The following SEPTIN7 variants were observed in gnomAD, a reference collection of about 807,000 sequenced individuals.
SEPTIN7 encodes the protein septin-7.
In SEPTIN7, 10 loss-of-function variants were observed where a neutral mutation model predicts 63.3. The ratio of observed to expected loss-of-function variants is 0.16; its 90% CI spans 0.10 to 0.27. SEPTIN7 has a LOEUF of 0.27. Among genes scored for constraint, SEPTIN7 ranks in the 10% least tolerant of loss-of-function variants. The pLI is 1.00. For missense variants in SEPTIN7, 310 were observed against 521.0 expected, an observed-to-expected ratio of 0.59 and a Z score of 3.94; for synonymous variants, 131 against 165.3, an observed-to-expected ratio of 0.79 and a Z score of 1.59.
At chr7:35,836,496 A>G (rs994932497) in intron 3 of SEPTIN7, among the ~76,000 whole-genome samples, 8 of 152,208 alleles carry the variant, frequency 5.3e-5, no homozygotes, top group Admixed American at 1.3e-4. Flanking sequence ...TGATATGTCA[A>G]TAATGTATTT....
At chr7:35,910,268 T>A (rs1363043481), downstream of SEPTIN7, among the ~76,000 whole-genome samples, 1 of 152,228 alleles carries the variant, frequency 6.6e-6, no homozygotes, top group Non-Finnish European at 1.5e-5. Flanking sequence ...GCGGGCGTAC[T>A]AAATAAAGGT....
chr7:35,879,808 T>C lies in SEPTIN7; in HGVS notation c.513-15T>C, dbSNP rs755063145. Reference sequence around the variant, plus strand: ...AACTGATCAATTCAGTCAAATTAAATACTGTGTATTTCAGACTTAAACCAT... The same window carrying C: ...AACTGATCAATTCAGTCAAATTAAACACTGTGTATTTCAGACTTAAACCAT... On this transcript the variant is annotated splice_polypyrimidine_tract_variant and intron_variant, in intron 6 of 13. Coordinates refer to ENST00000350320, the MANE Select transcript of SEPTIN7 (RefSeq NM_001788.6). 3.9e-5 allele frequency: 53 copies of C among 1,363,908 alleles called. No individual in the cohort carries two copies. Among genetic ancestry groups the C allele is most frequent in the Non-Finnish European group, 4.9e-5 (48 of 970,806 alleles). The allele number at this position is 1,363,908 out of a possible 1,614,324, so 84.5% of individuals were successfully genotyped here.
intron 1 of SEPTIN7, among the ~76,000 whole-genome samples, chr7:35,812,497 G>C (rs1788795558): frequency 6.6e-6 from 1 of 152,106 alleles, no homozygotes; most frequent in African/African-American, 2.4e-5. Context: ...GTTAGTACTG[G>C]CCAGGGTTAA....
intron 7 of SEPTIN7, among the ~76,000 whole-genome samples, chr7:35,880,223 C>CTTTTTTTTTTTTT: frequency 2.6e-3 from 187 of 72,772 alleles, no homozygotes; most frequent in African/African-American, 3.5e-3. Context: ...TTTTTCTTTT[C>CTTTTTTTTTTTTT]TTTTTTTTTT....
chr7:35,894,834 A>T (rs968963186), intron 11 of SEPTIN7, among the ~76,000 whole-genome samples: 5 of 152,148 alleles, frequency 3.3e-5, no homozygotes, highest in Non-Finnish European at 7.4e-5. Context: ...TATACTCCAA[A>T]TGTGGGTCAT....
intron 3 of SEPTIN7, among the ~76,000 whole-genome samples, chr7:35,858,175 G>A (rs1785304275): frequency 6.6e-6 from 1 of 151,996 alleles, no homozygotes; most frequent in Admixed American, 6.6e-5. Context: ...GAACTCCTGA[G>A]CTGAAGTGAT....
intron 3 of SEPTIN7, among the ~76,000 whole-genome samples, chr7:35,837,674 ATC>A (rs752602617): frequency 6.6e-6 from 1 of 152,208 alleles, no homozygotes; most frequent in Non-Finnish European, 1.5e-5. Flanking sequence ...TTGGATATTA[ATC>A]TGATTCCTAA....
At chr7:35,890,097 T>C (rs891491316) in intron 10 of SEPTIN7, among the ~76,000 whole-genome samples, 4 of 152,214 alleles carry the variant, frequency 2.6e-5, no homozygotes, top group Admixed American at 1.3e-4. Context: ...TGTAGACTTA[T>C]ATATATTGAT....
intron 10 of SEPTIN7, among the ~76,000 whole-genome samples, chr7:35,887,277 T>G (rs1202709406): frequency 6.6e-6 from 1 of 152,242 alleles, no homozygotes; most frequent in Non-Finnish European, 1.5e-5. Context: ...CTTTTTCTTG[T>G]GTATTTTAAA....
intron 11 of SEPTIN7, among the ~76,000 whole-genome samples, chr7:35,892,569 A>G (rs1787712938): frequency 2.0e-5 from 3 of 152,124 alleles, no homozygotes; most frequent in Non-Finnish European, 4.4e-5. Context: ...TTTTTAAAAC[A>G]TTTGTTAAGT....
At chr7:35,872,556 A>G in intron 4 of SEPTIN7, 110 bp from the exon 5 acceptor site, 1 of 746,772 alleles carries the variant, frequency 1.3e-6, no homozygotes, top group Non-Finnish European at 2.4e-6. Flanking sequence ...TTAGTTTGCT[A>G]ACAGTTTCCC....
At chr7:35,826,395 TTA>T (rs922879822) in intron 1 of SEPTIN7, among the ~76,000 whole-genome samples, 3 of 148,734 alleles carry the variant, frequency 2.0e-5, no homozygotes, top group African/African-American at 2.4e-5. Context: ...ATATGTATAT[TTA>T]TATATATATA....
At chr7:35,882,436 T>C (rs1448669086) in intron 7 of SEPTIN7, 48 bp from the exon 8 acceptor site, 15 of 1,322,840 alleles carry the variant, frequency 1.1e-5, no homozygotes, top group East Asian at 3.0e-5. Flanking sequence ...AAGACTAATA[T>C]ACTAATTATG....
rs1468288535 is a variant in SEPTIN7 at position 35,801,243 on chromosome 7, G to C, written c.34G>C (p.Glu12Gln). The C allele has an allele frequency of 2.0e-6, 3 of 1,536,232 alleles. No individual in the cohort carries two copies. Among genetic ancestry groups the C allele is most frequent in the Non-Finnish European group, 2.6e-6 (3 of 1,142,872 alleles). ...SVSARSAAAEERSVNSSTMVA... is the reference protein window; with the variant it reads ...SVSARSAAAEQRSVNSSTMVA... ...CAGTGCGAGATCCGCTGCTGCTGAG[G>C]AGAGGAGCGTCAACAGCAGCACCAT... Residue 12 changes from glutamate (E) to glutamine (Q), a missense_variant, in exon 1 of 14, where the codon GAG becomes CAG. Coordinates refer to ENST00000350320, the MANE Select transcript of SEPTIN7 (RefSeq NM_001788.6).
intron 7 of SEPTIN7, among the ~76,000 whole-genome samples, chr7:35,880,373 A>C (rs1437892580): frequency 6.6e-6 from 1 of 150,938 alleles, no homozygotes; most frequent in Admixed American, 6.6e-5. Flanking sequence ...AAATTTGTAC[A>C]TCTGTTTCAC....
intron 1 of SEPTIN7, among the ~76,000 whole-genome samples, chr7:35,824,600 G>T (rs1783408378): frequency 6.6e-6 from 1 of 152,028 alleles, no homozygotes; most frequent in Non-Finnish European, 1.5e-5. Flanking sequence ...TTTAACAGTT[G>T]GTACTCACCA....
chr7:35,912,921 C>A, the SEPTIN7 span, among the ~76,000 whole-genome samples: 12 of 152,218 alleles, frequency 7.9e-5, no homozygotes, highest in African/African-American at 2.2e-4. Flanking sequence ...TATTGCATGG[C>A]ATTATTGCCA....
At chr7:35,845,657 C>T (rs527478634) in intron 3 of SEPTIN7, among the ~76,000 whole-genome samples, 2 of 152,122 alleles carry the variant, frequency 1.3e-5, no homozygotes, top group Non-Finnish European at 2.9e-5. Flanking sequence ...ATATCGTGCT[C>T]AAGTTTTTTA....
intron 3 of SEPTIN7, among the ~76,000 whole-genome samples, chr7:35,845,215 A>G (rs1490705725): frequency 6.6e-6 from 1 of 152,114 alleles, no homozygotes. Context: ...AATTGTGTAT[A>G]TGAGTGTACT....
Sources: allele counts gnomAD v4.1 joint callset (sites outside exome capture counted in the v4.1 genomes callset), GRCh38; gene constraint gnomAD v4.1.1; transcripts MANE v1.5; gene names NCBI Gene and HGNC (gene_info 2026-07-23, HGNC 2026-07-21).